The following COL4A5 variants were observed in gnomAD, a reference collection of about 807,000 sequenced individuals.
The protein encoded by COL4A5 is collagen type IV alpha 5 chain.
Under a neutral mutation model 130.2 loss-of-function variants are expected in COL4A5, and 26 were observed. The ratio of observed to expected loss-of-function variants is 0.20; its 90% confidence interval spans 0.15 to 0.28. The LOEUF (loss-of-function observed/expected upper bound fraction) is 0.28. Ranked by LOEUF, COL4A5 falls within the 10% of genes least tolerant of loss-of-function variation. The pLI, the probability that COL4A5 is intolerant of heterozygous loss-of-function variation, is 1.00. For missense variants in COL4A5, 1,131 were observed against 1,344.3 expected (o/e 0.84, Z 2.48); for synonymous variants, 496 against 439.6 (o/e 1.13, Z -1.60).
At chrX:108,622,859 C>T (rs1473608839) in intron 33 of COL4A5, 34 bp downstream of exon 33, 2 of 1,153,447 alleles carry the variant, frequency 1.7e-6, no homozygotes. Context: ...AATATTTTTC[C>T]TGATATATCT....
intron 4 of COL4A5, among the ~76,000 whole-genome samples, chrX:108,567,950 G>A (rs1190428311): frequency 9.0e-6 from 1 of 111,646 alleles, no homozygotes; most frequent in African/African-American, 3.3e-5. Flanking sequence ...ACTATAACTG[G>A]TTACATGGTT....
intron 2 of COL4A5, among the ~76,000 whole-genome samples, chrX:108,557,916 G>C (rs111278299): frequency 9.1e-6 from 1 of 109,839 alleles, no homozygotes; most frequent in Non-Finnish European, 1.9e-5. Context: ...TGTCCTTCGG[G>C]GTTCTTTTAT....
At chrX:108,635,713 AATAG>A (rs1175153667) in intron 36 of COL4A5, among the ~76,000 whole-genome samples, 9 of 112,125 alleles carry the variant, frequency 8.0e-5, no homozygotes, top group Admixed American at 5.7e-4. Context: ...AGACTGATGG[AATAG>A]ATAGAGTCCA....
intron 9 of COL4A5, among the ~76,000 whole-genome samples, chrX:108,575,499 G>A (rs1207185845): frequency 1.8e-5 from 2 of 112,485 alleles, no homozygotes; most frequent in East Asian, 5.6e-4. Context: ...TTGTAGAGCA[G>A]AATTCCAATG....
intron 1 of COL4A5, among the ~76,000 whole-genome samples, chrX:108,497,355 T>C (rs1248693192): frequency 2.7e-5 from 3 of 112,192 alleles, no homozygotes; most frequent in Non-Finnish European, 5.6e-5. Flanking sequence ...TGTATAGATA[T>C]ATGTTTTTTT....
chrX:108,509,701 T>C (rs769653175), intron 1 of COL4A5, among the ~76,000 whole-genome samples: 1 of 112,101 alleles, frequency 8.9e-6, no homozygotes, highest in African/African-American at 3.2e-5. Context: ...TTATACACTG[T>C]TGGTGGGTCT....
At chrX:108,660,245 T>A (rs1695191552) in intron 37 of COL4A5, among the ~76,000 whole-genome samples, 1 of 111,967 alleles carries the variant, frequency 8.9e-6, no homozygotes, top group South Asian at 3.6e-4. Context: ...TTAATTGCTA[T>A]TACTATTGCT....
intron 1 of COL4A5, among the ~76,000 whole-genome samples, chrX:108,445,846 A>G (rs1325930182): frequency 1.8e-5 from 2 of 111,889 alleles, no homozygotes; most frequent in Non-Finnish European, 3.8e-5. Context: ...ATATGTCCAC[A>G]GTTCTACCAG....
chrX:108,481,647 G>T, intron 1 of COL4A5, among the ~76,000 whole-genome samples: 1 of 111,443 alleles, frequency 9.0e-6, no homozygotes. Flanking sequence ...ATTACGGTAG[G>T]TACACCCACC....
At chrX:108,650,293 G>A (rs1224450884) in intron 36 of COL4A5, among the ~76,000 whole-genome samples, 1 of 110,720 alleles carries the variant, frequency 9.0e-6, no homozygotes, top group Non-Finnish European at 1.9e-5. Context: ...GTGTGGATGC[G>A]GTGATCAGGG....
intron 1 of COL4A5, among the ~76,000 whole-genome samples, chrX:108,522,853 G>A (rs1329828071): frequency 1.0e-5 from 1 of 98,989 alleles, no homozygotes; most frequent in Non-Finnish European, 2.0e-5. Flanking sequence ...AGAAGGCTTT[G>A]ACTAAACAAA....
At chrX:108,610,762 A>G (rs925520435) in intron 29 of COL4A5, among the ~76,000 whole-genome samples, 1 of 111,680 alleles carries the variant, frequency 9.0e-6, no homozygotes, top group African/African-American at 3.2e-5. Flanking sequence ...GTAATTCTCA[A>G]TTATTAAAAG....
At chrX:108,685,956 A>G (rs2068534623) in intron 47 of COL4A5, 75 bp from the exon 48 acceptor site, 1 of 878,534 alleles carries the variant, frequency 1.1e-6, no homozygotes, top group East Asian at 3.2e-5. Context: ...TGTCTCGAGA[A>G]CCTTATGTCT....
intron 1 of COL4A5, among the ~76,000 whole-genome samples, chrX:108,503,266 A>T (rs1327219569): frequency 1.8e-5 from 2 of 111,566 alleles, no homozygotes; most frequent in Non-Finnish European, 3.8e-5. Context: ...TAGTTAACTC[A>T]GTTTGAAAAG....
At chrX:108,608,388 C>T (rs141006799) in intron 29 of COL4A5, among the ~76,000 whole-genome samples, 3,277 of 111,242 alleles carry the variant, frequency 0.029, 124 homozygotes, top group African/African-American at 0.1. Flanking sequence ...TCCCTGCCAA[C>T]GTTTTGTTTT....
intron 1 of COL4A5, among the ~76,000 whole-genome samples, chrX:108,464,047 A>G (rs2064679394): frequency 9.0e-6 from 1 of 111,682 alleles, no homozygotes; most frequent in East Asian, 2.8e-4. Flanking sequence ...CCACCTACCA[A>G]TTGGGCTAAC....
chrX:108,472,523 A>G lies in COL4A5; in HGVS notation c.81+32317A>G, dbSNP rs574064713. Among the ~76,000 whole-genome samples the G allele has an allele frequency of 1.4e-4, 16 of 111,900 alleles. No individual in the cohort carries two copies. The South Asian group carries it at 6.0e-3, about 42-fold the overall frequency. On this transcript the variant is annotated intron_variant, in intron 1 of 52. Transcript: ENST00000328300. ...AGAGGCTCAGTTACTTGGTGTGTAT[A>G]TGTTTATAATTGTTATATGTTGACG...
At chrX:108,551,273 A>G (rs1298727974) in intron 2 of COL4A5, among the ~76,000 whole-genome samples, 6 of 111,666 alleles carry the variant, frequency 5.4e-5, no homozygotes, top group African/African-American at 1.9e-4. Context: ...TCCAGAATCT[A>G]TAAGGAACTT....
At chrX:108,581,723 A>T (rs1405572160) in intron 16 of COL4A5, among the ~76,000 whole-genome samples, 1 of 111,140 alleles carries the variant, frequency 9.0e-6, no homozygotes, top group Admixed American at 9.6e-5. Context: ...TTTATTGCTG[A>T]GTAGTATTTG....
Sources: allele counts gnomAD v4.1 joint callset (sites outside exome capture counted in the v4.1 genomes callset), GRCh38; gene constraint gnomAD v4.1.1; transcripts MANE v1.5; gene names NCBI Gene and HGNC (gene_info 2026-07-23, HGNC 2026-07-21).